CD4: variants seen among roughly 807,000 people sequenced by gnomAD.
The protein encoded by CD4 is CD4 molecule.
Under a neutral mutation model 50.5 loss-of-function variants are expected in CD4, and 25 were observed. That is an observed-to-expected ratio of 0.49 (90% CI 0.36 to 0.69). The LOEUF is 0.69. Among genes scored for constraint, CD4 ranks in the 30% least tolerant of loss-of-function variants. The pLI, the probability that CD4 is intolerant of heterozygous loss-of-function variation, is 0.00. For missense variants in CD4, 456 were observed against 548.5 expected (o/e 0.83, Z 1.68); for synonymous variants, 207 against 221.9 (o/e 0.93, Z 0.60).
chr12:6,795,328 C>T (rs1201656472), intron 1 of CD4, among the ~76,000 whole-genome samples: 1 of 152,120 alleles, frequency 6.6e-6, no homozygotes, highest in Admixed American at 6.5e-5. Context: ...CTGTCTATCT[C>T]AAGCACCTAC....
intron 3 of CD4, among the ~76,000 whole-genome samples, chr12:6,803,173 CAG>C (rs1942615662): frequency 2.0e-5 from 3 of 152,120 alleles, no homozygotes; most frequent in South Asian, 2.1e-4. Flanking sequence ...TTTTTTGAGA[CAG>C]AGTCTCATTT....
intron 3 of CD4, among the ~76,000 whole-genome samples, chr12:6,806,301 T>A (rs1254261322): frequency 2.6e-5 from 4 of 151,868 alleles, no homozygotes; most frequent in African/African-American, 7.3e-5. Flanking sequence ...TAAAATTTAT[T>A]TTTATTTATT....
chr12:6,793,649 CATCT>C (rs56153037), intron 1 of CD4, among the ~76,000 whole-genome samples: 9,390 of 127,810 alleles, frequency 0.073, 401 homozygotes, highest in Non-Finnish European at 0.081. Flanking sequence ...ATCTATCTAT[CATCT>C]ATCTATCTAT....
chr12:6,793,987 T>TATCTATCTATCTATCTATC, intron 1 of CD4, among the ~76,000 whole-genome samples: 1 of 151,630 alleles, frequency 6.6e-6, no homozygotes, highest in African/African-American at 2.4e-5. Flanking sequence ...TCTATCTATC[T>TATCTATCTATCTATCTATC]ATCTATCTAT....
chr12:6,801,516 CAAAA>C (rs200977719), intron 3 of CD4, among the ~76,000 whole-genome samples: 1 of 120,238 alleles, frequency 8.3e-6, no homozygotes, highest in Non-Finnish European at 1.7e-5. Context: ...GACTTCATCT[CAAAA>C]AAAAAAAAAA....
At chr12:6,800,038 A>G in intron 1 of CD4, 34 bp from the exon 2 acceptor site, 1 of 1,045,372 alleles carries the variant, frequency 9.6e-7, no homozygotes, top group Non-Finnish European at 1.5e-6. Context: ...GGTCCAGTAA[A>G]TGTTTGCTGA....
At chr12:6,814,105 GCGCCTCAGTCCCCCCC>G (rs782446470) in intron 3 of CD4, 21 bp from the exon 4 acceptor site, 1 of 1,594,680 alleles carries the variant, frequency 6.3e-7, no homozygotes, top group Non-Finnish European at 8.6e-7. Context: ...TGTCTCCAGG[GCGCCTCAGTCCCCCCC>G]CATATGTCTT....
At chr12:6,817,561 C>T (rs921117638) in intron 7 of CD4, among the ~76,000 whole-genome samples, 1 of 152,048 alleles carries the variant, frequency 6.6e-6, no homozygotes, top group Non-Finnish European at 1.5e-5. Flanking sequence ...TCTACAAGTT[C>T]CCACTCCCTC....
rs200076118 is a variant in CD4 at position 6,819,253 on chromosome 12, G to A, written c.1347-46G>A. ...ATTGGAGGTGCTAGAACGCAAAGGG[G>A]TTGCAGTGGGGACAGACCTGCTCCC... On this transcript the variant is annotated intron_variant, in intron 9 of 9. Transcript: ENST00000011653. 8.1e-6 allele frequency: 13 copies of A among 1,605,566 alleles called. No homozygotes were observed. In the East Asian group the frequency reaches 2.2e-4, roughly 28 times the overall value.
Position 6,792,285 on chromosome 12 carries a change from G to A in CD4, c.-68+2623G>A, listed in dbSNP as rs560354507. 1.4e-4 allele frequency among the ~76,000 whole-genome samples: 22 copies of A among 152,240 alleles called. No homozygotes were observed. In the South Asian group the frequency reaches 4.4e-3, roughly 30 times the overall value. On this transcript the variant is annotated intron_variant, in intron 1 of 9. Transcript: ENST00000011653. This position sits in a 1 kb window ranked among gnomAD's most constrained non-coding sequence, Gnocchi z 4.1. Reference sequence around the variant, plus strand: ...CCTCGCCCCTCATCCCATCCCTGGGGGCCAGGGGTGAGGGCGGCAGGAACC... The same window carrying A: ...CCTCGCCCCTCATCCCATCCCTGGGAGCCAGGGGTGAGGGCGGCAGGAACC...
chr12:6,793,692 CTATCTATCT>C (rs1942253706), intron 1 of CD4, among the ~76,000 whole-genome samples: 2 of 54,288 alleles, frequency 3.7e-5, no homozygotes, highest in South Asian at 8.4e-4. Flanking sequence ...ATCTATCTAT[CTATCTATCT>C]ATCTTTTTTT....
chr12:6,815,069 T>C, intron 5 of CD4, 77 bp downstream of exon 5: 1 of 995,424 alleles, frequency 1.0e-6, no homozygotes, highest in Admixed American at 2.5e-5. Flanking sequence ...CTGACTGCCC[T>C]GTTTCTGGTT....
At chr12:6,801,878 CT>C (rs782299083) in intron 3 of CD4, among the ~76,000 whole-genome samples, 151 of 113,854 alleles carry the variant, frequency 1.3e-3, no homozygotes, top group South Asian at 1.4e-3. Context: ...TTTTTTTCTA[CT>C]TTTTTTTTTT....
intron 3 of CD4, among the ~76,000 whole-genome samples, chr12:6,810,622 G>C (rs1472957109): frequency 6.6e-6 from 1 of 152,184 alleles, no homozygotes; most frequent in Non-Finnish European, 1.5e-5. Context: ...AGATGTCAGA[G>C]CAAGAGTTCA....
At chr12:6,800,904 A>ATT (rs782359400) in intron 3 of CD4, among the ~76,000 whole-genome samples, 1 of 149,260 alleles carries the variant, frequency 6.7e-6, no homozygotes, top group Non-Finnish European at 1.5e-5. Flanking sequence ...ATGAAAAAAA[A>ATT]TATATATATA....
chr12:6,814,383 G>A (rs374324373), intron 4 of CD4, 83 bp downstream of exon 4: 12 of 1,441,658 alleles, frequency 8.3e-6, no homozygotes, highest in East Asian at 4.6e-5. Context: ...AATCCAGCCT[G>A]AGCTGGTGAT....
chr12:6,804,862 A>C (rs782456265), intron 3 of CD4, among the ~76,000 whole-genome samples: 1 of 152,034 alleles, frequency 6.6e-6, no homozygotes, highest in East Asian at 1.9e-4. Context: ...TAAAAACACA[A>C]AAAATTAGCT....
intron 1 of CD4, among the ~76,000 whole-genome samples, chr12:6,793,377 G>A (rs1171191984): frequency 6.6e-6 from 1 of 152,130 alleles, no homozygotes; most frequent in East Asian, 1.9e-4. Flanking sequence ...AAGGGATATC[G>A]TTTATGGAGA....
Position 6,818,718 on chromosome 12 carries a change from T to C in CD4, c.1279-129T>C. ...GAGACAGGAAGGAGCAGAGAGTTAA[T>C]TCCAGGATAGATGGCCTGGGCCATG... is the stretch of plus-strand genomic sequence containing the variant. On this transcript the variant is annotated intron_variant, in intron 8 of 9. Transcript: ENST00000011653. The surrounding 1 kb of genome is among the most constrained non-coding windows in gnomAD (Gnocchi z 5.0). The C allele has an allele frequency of 8.4e-7, 1 of 1,190,174 alleles. No homozygotes were observed. The highest frequency in any genetic ancestry group is 1.5e-5 in the African/African-American group (1 of 66,552). 73.7% of individuals were successfully genotyped at this position (1,190,174 alleles called of 1,614,324 possible).
Sources: gnomAD v4.1 joint callset for allele counts (sites outside exome capture counted in the v4.1 genomes callset) on GRCh38, gnomAD v4.1.1 for gene constraint, Gnocchi (gnomAD v3.1) non-coding constraint, MANE v1.5 for transcripts, NCBI Gene and HGNC (gene_info 2026-07-23, HGNC 2026-07-21) for gene names.